Variants in TASOR observed in about 807,000 individuals in gnomAD.
TASOR encodes the protein protein TASOR.
Under a neutral mutation model 178.6 loss-of-function variants are expected in TASOR, and 53 were observed. The ratio of observed to expected loss-of-function variants is 0.30; its 90% CI spans 0.24 to 0.37. The LOEUF (loss-of-function observed/expected upper bound fraction) is 0.37. TASOR is among the 10% of genes least tolerant of loss of function. The pLI, the probability that TASOR is intolerant of heterozygous loss-of-function variation, is 1.00. For synonymous variants in TASOR, 713 were observed against 696.2 expected, an observed-to-expected ratio of 1.02 and a Z score of -0.38; for missense variants, 1,815 against 1,971.4, an observed-to-expected ratio of 0.92 and a Z score of 1.50.
Position 56,646,823 on chromosome 3 carries a change from A to G in TASOR, c.1914T>C (p.Tyr638=). The change falls in exon 14 of 24, where the codon TAT becomes TAC. Residue 638 remains tyrosine (Y), a synonymous_variant. Transcript: ENST00000683822. ...KLQQFSPLSD[Y]EGQEEEMNGT... ...CATTCATTTCTTCTTCTTGACCTTC[A>G]TAATCTGAAAGTGGACTAAACTGCT... 1 of 1,611,608 alleles carries G rather than the reference A, an allele frequency of 6.2e-7. No individual in the cohort carries two copies. Among genetic ancestry groups the G allele is most frequent in the Non-Finnish European group, 8.5e-7 (1 of 1,179,512 alleles).
At chr3:56,623,609 A>G (rs372449943) in intron 23 of TASOR, 43 bp from the exon 24 acceptor site, 1 of 1,540,544 alleles carries the variant, frequency 6.5e-7, no homozygotes, top group African/African-American at 1.4e-5. Context: ...TGAAATACAC[A>G]GTTTGTTTAA....
In TASOR at chr3:56,627,715, C is replaced by T; in HGVS notation, c.3897G>A (p.Lys1299=). The change falls in exon 20 of 24, where the codon AAG becomes AAA. Residue 1299 remains lysine, a synonymous_variant. Transcript: ENST00000683822. ...CACCAGCAAAACTAACACAGGGGAG[C>T]TTCTTTAAAGTCACCAAGCCAGGTA... ...HKIPGLVTLK[K]LPCVSFAGVD... 1 of 1,613,930 alleles carries T rather than the reference C, an allele frequency of 6.2e-7. No individual in the cohort carries two copies. Among genetic ancestry groups the T allele is most frequent in the Non-Finnish European group, 8.5e-7 (1 of 1,179,938 alleles).
rs771033917 is a variant in TASOR, at chr3:56,660,951, T to C, written c.1227A>G (p.Ala409=). ...IDHLKQKIPP[A]LFYKETYLGP... ...CTAAGTATGTTTCCTTATAAAACAGTGCTGGAGGGATTTTCTGTTTCAGAT... is the reference window on the plus strand; with the variant it reads ...CTAAGTATGTTTCCTTATAAAACAGCGCTGGAGGGATTTTCTGTTTCAGAT... Residue 409 remains alanine (A), a synonymous_variant, in exon 10 of 24, where the codon GCA becomes GCG. Transcript: ENST00000683822. 3.1e-6 allele frequency: 5 copies of C among 1,611,676 alleles called. No individual in the cohort carries two copies. Among genetic ancestry groups the C allele is most frequent in the South Asian group, 1.1e-5 (1 of 90,932 alleles).
intron 11 of TASOR, among the ~76,000 whole-genome samples, chr3:56,654,580 T>C (rs1231989535): frequency 1.3e-5 from 2 of 152,144 alleles, no homozygotes; most frequent in African/African-American, 4.8e-5. Context: ...TTTCTGGGTG[T>C]TCCTGTCAAG....
intron 23 of TASOR, 79 bp from the exon 24 acceptor site, chr3:56,623,645 C>T: frequency 5.2e-6 from 8 of 1,542,732 alleles, no homozygotes; most frequent in Non-Finnish European, 6.9e-6. Flanking sequence ...ACTACTCACA[C>T]AATATAACGC....
intron 4 of TASOR, 49 bp downstream of exon 4, chr3:56,670,024 G>T: frequency 8.2e-7 from 1 of 1,225,560 alleles, no homozygotes; most frequent in Non-Finnish European, 1.1e-6. Context: ...TGTATTTTTA[G>T]ACAGCAACTT....
intron 1 of TASOR, among the ~76,000 whole-genome samples, chr3:56,674,446 G>A (rs2031078878): frequency 1.3e-5 from 2 of 151,890 alleles, no homozygotes; most frequent in Admixed American, 1.3e-4. Flanking sequence ...GGAGTTCAAG[G>A]CTGCAGTGAG....
intron 11 of TASOR, among the ~76,000 whole-genome samples, chr3:56,653,511 T>C (rs554140541): frequency 1.7e-4 from 25 of 148,388 alleles, no homozygotes; most frequent in African/African-American, 5.9e-4. Flanking sequence ...AAAGGAACAA[T>C]TAGACTGAGA....
chr3:56,656,305 G>A (rs947672045), intron 11 of TASOR, among the ~76,000 whole-genome samples: 2 of 152,060 alleles, frequency 1.3e-5, no homozygotes, highest in African/African-American at 2.4e-5. Flanking sequence ...TACTATTCAC[G>A]GGCCAGGCAT....
At chr3:56,645,176 A>G (rs1285212386) in intron 14 of TASOR, among the ~76,000 whole-genome samples, 1 of 152,240 alleles carries the variant, frequency 6.6e-6, no homozygotes, top group Non-Finnish European at 1.5e-5. Flanking sequence ...GGGGAGACTC[A>G]GGCACGAGAA....
At chr3:56,639,174 T>C (rs1257239192) in intron 16 of TASOR, among the ~76,000 whole-genome samples, 2 of 152,200 alleles carry the variant, frequency 1.3e-5, no homozygotes, top group African/African-American at 4.8e-5. Context: ...CTCAGAGTCC[T>C]CGGAAGTCTC....
intron 17 of TASOR, among the ~76,000 whole-genome samples, chr3:56,635,485 G>C (rs993774270): frequency 7.8e-6 from 1 of 128,398 alleles, no homozygotes; most frequent in Non-Finnish European, 1.6e-5. Context: ...ATATGGGGAA[G>C]AATCTAAGTG....
At position 56,646,596 on chromosome 3, in the gene TASOR, A is replaced by G. The variant is rs1168356205; in HGVS notation, c.2141T>C (p.Leu714Pro). Residue 714 changes from leucine (L) to proline (P), a missense_variant, in exon 14 of 24, where the codon CTT becomes CCT. Around this residue, in one of 5 missense-constraint regions of TASOR, gnomAD observed 655 missense variants for 671.1 expected, o/e 0.98. Transcript: ENST00000683822. The part of the protein sequence containing the change: ...MRSKTVLKRK[L>P]EDLPENMRKL... ...TCTCATATTTTCAGGTAGATCCTCAAGCTTCCTCTTCAAGACAGTTTTGCT... is the reference window on the plus strand; with the variant it reads ...TCTCATATTTTCAGGTAGATCCTCAGGCTTCCTCTTCAAGACAGTTTTGCT... 3 of 1,613,308 alleles carry G rather than the reference A, an allele frequency of 1.9e-6. No homozygotes were observed. The highest frequency in any genetic ancestry group is 3.3e-5 in the Admixed American group (2 of 59,962).
At chr3:56,678,126 T>C (rs1178651794) in intron 1 of TASOR, among the ~76,000 whole-genome samples, 12 of 151,700 alleles carry the variant, frequency 7.9e-5, no homozygotes, top group Admixed American at 3.9e-4. Flanking sequence ...CTCTTAGCCA[T>C]ACTATCATCA....
rs1392425169 is a variant in TASOR, at chr3:56,673,707, G to A, written c.350C>T (p.Thr117Ile). Residue 117 changes from threonine (T) to isoleucine (I), a missense_variant, in exon 2 of 24, where the codon ACT becomes ATT. Thr to Ile is a moderately conservative substitution (Grantham distance 89, BLOSUM62 -1). Coordinates refer to ENST00000683822, the MANE Select transcript of TASOR (RefSeq NM_001365635.2). ...ATCTTCAAATTCTCGAGAGCCTGGA[G>A]TTAATGGCTGGAAAAGTGCTAAAAT... ...REKKALFQPL[T>I]PGSREFEDVV... The A allele has an allele frequency of 6.5e-7, 1 of 1,547,420 alleles. No homozygotes were observed. The highest frequency in any genetic ancestry group is 1.2e-5 in the South Asian group (1 of 82,844).
chr3:56,662,885 A>C (rs1404265294), intron 8 of TASOR, among the ~76,000 whole-genome samples: 1 of 152,196 alleles, frequency 6.6e-6, no homozygotes, highest in African/African-American at 2.4e-5. Flanking sequence ...ATTATAAAGA[A>C]ACTTTAAAAT....
rs1008695471 is a variant in TASOR at position 56,621,436 on chromosome 3, G to A, written c.*1601C>T. The A allele has an allele frequency of 1.9e-5, 16 of 836,360 alleles. No homozygotes were observed. Among genetic ancestry groups the A allele is most frequent in the Non-Finnish European group, 2.7e-5 (15 of 553,736 alleles). 51.8% of individuals were successfully genotyped at this position (836,360 alleles called of 1,614,324 possible). ...TGAATGACAAAATTTTATCCTAAGC[G>A]ATATGTTTTCCAAGTGAATATAATT... is the stretch of plus-strand genomic sequence containing the variant. On this transcript the variant is annotated 3_prime_UTR_variant, in exon 24 of 24. Transcript: ENST00000683822.
intron 21 of TASOR, among the ~76,000 whole-genome samples, chr3:56,625,914 G>A (rs2076789267): frequency 6.6e-6 from 1 of 152,152 alleles, no homozygotes; most frequent in South Asian, 2.1e-4. Flanking sequence ...AAGCCACCGT[G>A]CCCGGCCAGC....
At chr3:56,652,198 G>C (rs2107590709) in intron 11 of TASOR, among the ~76,000 whole-genome samples, 1 of 152,302 alleles carries the variant, frequency 6.6e-6, no homozygotes, top group African/African-American at 2.4e-5. Flanking sequence ...TGAATTCTGA[G>C]ATGAAAATGT....
Sources: allele counts gnomAD v4.1 joint callset (sites outside exome capture counted in the v4.1 genomes callset), GRCh38; gene constraint gnomAD v4.1.1; regional missense constraint gnomAD v4.1.1; transcripts MANE v1.5; gene names NCBI Gene and HGNC (gene_info 2026-07-23, HGNC 2026-07-21).